The following HPSE2 variants were observed in gnomAD, a reference collection of about 807,000 sequenced individuals.
The protein encoded by HPSE2 is inactive heparanase-2.
Under a neutral mutation model 60.5 loss-of-function variants are expected in HPSE2, and 38 were observed. That is an observed-to-expected ratio of 0.63 (90% CI 0.48 to 0.82). The LOEUF is 0.82. HPSE2 is among the 40% of genes least tolerant of loss of function. HPSE2 has a pLI of 0.00. For synonymous variants in HPSE2, 295 were observed against 293.2 expected (o/e 1.01, Z -0.06); for missense variants, 713 against 740.4 (o/e 0.96, Z 0.43).
chr10:99,099,457 C>G (rs1843857887), intron 3 of HPSE2, among the ~76,000 whole-genome samples: 1 of 152,214 alleles, frequency 6.6e-6, no homozygotes, highest in Non-Finnish European at 1.5e-5. Flanking sequence ...GGGTGACCGC[C>G]ATTGCTGAGG....
intron 7 of HPSE2, among the ~76,000 whole-genome samples, chr10:98,632,653 G>A (rs985657292): frequency 2.6e-5 from 4 of 152,168 alleles, no homozygotes; most frequent in African/African-American, 4.8e-5. Context: ...CTAATTTACC[G>A]AGAAGTTCAT....
intron 9 of HPSE2, among the ~76,000 whole-genome samples, chr10:98,584,516 C>A (rs1023191439): frequency 2.0e-5 from 3 of 152,114 alleles, no homozygotes; most frequent in African/African-American, 7.2e-5. Flanking sequence ...CTGAAAAATC[C>A]ATCAACCCCT....
chr10:98,508,811 C>G (rs1191314663), intron 9 of HPSE2, among the ~76,000 whole-genome samples: 2 of 152,082 alleles, frequency 1.3e-5, no homozygotes, highest in African/African-American at 4.8e-5. Flanking sequence ...TGAAAGCAGA[C>G]CAATTCAGCT....
chr10:98,515,342 C>T (rs1366250618), intron 9 of HPSE2, among the ~76,000 whole-genome samples: 2 of 152,046 alleles, frequency 1.3e-5, no homozygotes, highest in Non-Finnish European at 1.5e-5. Context: ...TTTTTTATTA[C>T]CAAAGAATCT....
chr10:99,040,938 T>A (rs1957724154), intron 3 of HPSE2, among the ~76,000 whole-genome samples: 2 of 151,514 alleles, frequency 1.3e-5, no homozygotes, highest in Admixed American at 6.6e-5. Context: ...TACAAAAAAA[T>A]TAGCCAGGTG....
In HPSE2 at chr10:99,144,400, C is replaced by T. The variant is rs755077612; in HGVS notation, c.449-1G>A. The T allele has an allele frequency of 1.2e-6, 2 of 1,612,740 alleles. No homozygotes were observed. On this transcript the variant is annotated splice_acceptor_variant, in intron 2 of 11. Transcript: ENST00000370552. LOFTEE classifies it high-confidence loss of function. ...AAGGCAACATCACTTCGAACAATGT[C>T]TACAAAAAGAAAGAAAGAAGGCAGG...
At chr10:98,680,986 A>C (rs941262706) in intron 6 of HPSE2, among the ~76,000 whole-genome samples, 2 of 151,512 alleles carry the variant, frequency 1.3e-5, no homozygotes, top group African/African-American at 2.4e-5. Flanking sequence ...CTGGTCTCAA[A>C]CACCTGGGCT....
At chr10:98,843,376 G>A (rs1951963348) in intron 3 of HPSE2, among the ~76,000 whole-genome samples, 8 of 152,070 alleles carry the variant, frequency 5.3e-5, no homozygotes. Context: ...ATTCTAGATT[G>A]GGGTATACAG....
chr10:98,477,157 C>A (rs181650725), intron 11 of HPSE2, among the ~76,000 whole-genome samples: 1 of 152,124 alleles, frequency 6.6e-6, no homozygotes, highest in Admixed American at 6.6e-5. Context: ...GTGTCTTCAA[C>A]TCTAAAATGG....
intron 3 of HPSE2, among the ~76,000 whole-genome samples, chr10:99,123,178 T>A (rs151142507): frequency 3.3e-4 from 50 of 152,104 alleles, no homozygotes; most frequent in African/African-American, 1.2e-3. Flanking sequence ...ATAGATTATA[T>A]CCAGAGTGAA....
At chr10:99,122,828 T>C (rs1447390840) in intron 3 of HPSE2, among the ~76,000 whole-genome samples, 1 of 152,054 alleles carries the variant, frequency 6.6e-6, no homozygotes, top group Non-Finnish European at 1.5e-5. Context: ...AGTAATTATA[T>C]GGGAATAGTC....
At chr10:99,093,745 T>G (rs1207092375) in intron 3 of HPSE2, among the ~76,000 whole-genome samples, 1 of 152,186 alleles carries the variant, frequency 6.6e-6, no homozygotes, top group Non-Finnish European at 1.5e-5. Context: ...CCAACATTGT[T>G]GCATCGGGAT....
At chr10:98,957,881 C>G (rs1955549763) in intron 3 of HPSE2, among the ~76,000 whole-genome samples, 2 of 152,186 alleles carry the variant, frequency 1.3e-5, no homozygotes, top group Non-Finnish European at 2.9e-5. Flanking sequence ...AGAAAAGGCT[C>G]TCTTAACCTT....
intron 3 of HPSE2, among the ~76,000 whole-genome samples, chr10:99,106,057 T>A (rs1844235593): frequency 2.6e-5 from 4 of 152,280 alleles, no homozygotes; most frequent in Non-Finnish European, 1.5e-5. Flanking sequence ...TCTAAATTTG[T>A]TCTTCCTTTT....
At chr10:98,949,703 C>A (rs529708213) in intron 3 of HPSE2, among the ~76,000 whole-genome samples, 2 of 152,144 alleles carry the variant, frequency 1.3e-5, no homozygotes, top group African/African-American at 4.8e-5. Context: ...AAAGTCATGC[C>A]TAATATAGAA....
chr10:99,287,383 A>G, the HPSE2 span, among the ~76,000 whole-genome samples: 3 of 152,102 alleles, frequency 2.0e-5, no homozygotes, highest in African/African-American at 7.2e-5. Flanking sequence ...AGTCTTCACC[A>G]GGCCAACATG....
intron 9 of HPSE2, among the ~76,000 whole-genome samples, chr10:98,565,285 C>T (rs1944309962): frequency 6.6e-6 from 1 of 152,034 alleles, no homozygotes; most frequent in African/African-American, 2.4e-5. Flanking sequence ...TTTTAAGCCC[C>T]ACATGCATTA....
Position 98,595,530 on chromosome 10 carries a change from A to G in HPSE2, c.1320+19374T>C, listed in dbSNP as rs568957925. ...TTTCTTGTTAGTATATTAATATGCT[A>G]CTATTTTTATATATTGGTTTTATAT... On this transcript the variant is annotated intron_variant, in intron 9 of 11. Transcript: ENST00000370552. Among the ~76,000 whole-genome samples the G allele has an allele frequency of 1.3e-3, 204 of 152,262 alleles. 2 individuals are homozygous for G. The highest frequency in any genetic ancestry group is 2.5e-3 in the Non-Finnish European group (173 of 68,024).
intron 2 of HPSE2, among the ~76,000 whole-genome samples, chr10:99,171,126 G>A (rs1302026156): frequency 1.3e-5 from 2 of 152,130 alleles, no homozygotes; most frequent in Non-Finnish European, 2.9e-5. Flanking sequence ...ATAAAAAACA[G>A]TCAGCAGTGA....
Sources: allele counts gnomAD v4.1 joint callset (sites outside exome capture counted in the v4.1 genomes callset), GRCh38; gene constraint gnomAD v4.1.1; transcripts MANE v1.5; gene names NCBI Gene and HGNC (gene_info 2026-07-23, HGNC 2026-07-21).